The following CCDC77 variants were observed in gnomAD, a reference collection of about 807,000 sequenced individuals.
The protein encoded by CCDC77 is coiled-coil domain-containing protein 77.
A neutral mutation model predicts 66.8 loss-of-function variants in CCDC77; 56 were observed. The observed-to-expected ratio is 0.84, with a 90% CI of 0.68 to 1.05. CCDC77 has a LOEUF of 1.05. Among genes scored for constraint, CCDC77 ranks in the 50% least tolerant of loss-of-function variants. The pLI, the probability that CCDC77 is intolerant of heterozygous loss-of-function variation, is 0.00. For synonymous variants in CCDC77, 196 were observed against 195.2 expected, an observed-to-expected ratio of 1.00 and a Z score of -0.03; for missense variants, 570 against 576.8, an observed-to-expected ratio of 0.99 and a Z score of 0.12.
intron 7 of CCDC77, among the ~76,000 whole-genome samples, chr12:431,054 C>G (rs1263785071): frequency 1.0e-5 from 1 of 98,092 alleles, no homozygotes; most frequent in Non-Finnish European, 1.9e-5. Context: ...CGTGACAGAG[C>G]AAGACTATCT....
intron 5 of CCDC77, among the ~76,000 whole-genome samples, chr12:424,274 A>G (rs1266947277): frequency 6.6e-6 from 1 of 151,922 alleles, no homozygotes; most frequent in Non-Finnish European, 1.5e-5. Context: ...TGGCTATAGA[A>G]GTTCATTATA....
At chr12:401,705 T>C (rs983571010) in intron 1 of CCDC77, 21 bp downstream of exon 1, 8 of 152,360 alleles carry the variant, frequency 5.3e-5, no homozygotes, top group African/African-American at 1.9e-4. Context: ...AGTTTCGGGT[T>C]TGGGGTGAAG....
intron 6 of CCDC77, among the ~76,000 whole-genome samples, chr12:430,114 C>T (rs1225179109): frequency 6.6e-6 from 1 of 152,148 alleles, no homozygotes; most frequent in South Asian, 2.1e-4. Context: ...CTGCCTCAGC[C>T]TCCTGAGTAG....
intron 3 of CCDC77, 45 bp downstream of exon 3, chr12:409,466 G>C (rs1451966147): frequency 6.5e-7 from 1 of 1,536,142 alleles, no homozygotes; most frequent in African/African-American, 1.4e-5. Flanking sequence ...ATCGAGACTT[G>C]TATAGCCTTA....
At chr12:418,014 T>C (rs757980048) in intron 4 of CCDC77, among the ~76,000 whole-genome samples, 2 of 152,198 alleles carry the variant, frequency 1.3e-5, no homozygotes, top group African/African-American at 2.4e-5. Flanking sequence ...ACACTCATCC[T>C]GTAGCTGTTA....
chr12:438,793 G>A (rs967920278), intron 10 of CCDC77, among the ~76,000 whole-genome samples: 1 of 152,054 alleles, frequency 6.6e-6, no homozygotes, highest in African/African-American at 2.4e-5. Flanking sequence ...TCCTGGCCGG[G>A]CACAGTGGTT....
chr12:422,454 G>A lies in CCDC77; in HGVS notation c.413+3818G>A, dbSNP rs977541689. Reference sequence around the variant, plus strand: ...CACATCCCCGTTACCCCAGTTCCTGGAACACACTATGCTACTTTTCGTCTC... The same window carrying A: ...CACATCCCCGTTACCCCAGTTCCTGAAACACACTATGCTACTTTTCGTCTC... On this transcript the variant is annotated intron_variant, in intron 5 of 12. Coordinates refer to ENST00000239830, the MANE Select transcript of CCDC77 (RefSeq NM_032358.4). Among the ~76,000 whole-genome samples the A allele has an allele frequency of 2.0e-5, 3 of 152,166 alleles. No individual in the cohort carries two copies. In the South Asian group the frequency reaches 6.2e-4, roughly 31 times the overall value.
intron 4 of CCDC77, among the ~76,000 whole-genome samples, chr12:415,027 A>G (rs746892583): frequency 1.3e-5 from 2 of 152,162 alleles, no homozygotes; most frequent in South Asian, 2.1e-4. Flanking sequence ...TATGTATACA[A>G]TGAATTACAG....
intron 6 of CCDC77, among the ~76,000 whole-genome samples, chr12:429,674 G>C (rs879496015): frequency 6.6e-6 from 1 of 151,998 alleles, no homozygotes; most frequent in Non-Finnish European, 1.5e-5. Context: ...GCCCAGGCTG[G>C]TCTCGAACTC....
intron 4 of CCDC77, 132 bp downstream of exon 4, chr12:412,110 A>G (rs1240912710): frequency 1.4e-6 from 1 of 713,970 alleles, no homozygotes; most frequent in East Asian, 2.7e-5. Flanking sequence ...CAGCCCAGCT[A>G]TTGCCCCTTC....
intron 5 of CCDC77, among the ~76,000 whole-genome samples, chr12:426,791 G>A (rs559507735): frequency 2.6e-5 from 4 of 152,256 alleles, no homozygotes; most frequent in Admixed American, 1.3e-4. Context: ...CCTGTATCCA[G>A]CAGTCCTTAA....
chr12:428,576 G>A (rs1945581903), intron 5 of CCDC77, among the ~76,000 whole-genome samples, 193 bp from the exon 6 acceptor site: 2 of 149,874 alleles, frequency 1.3e-5, no homozygotes, highest in Non-Finnish European at 3.0e-5. Flanking sequence ...TTCTCTGAAT[G>A]GAAATACCTG....
rs1484148324 is a variant in CCDC77, at chr12:416,361, GTGTGTGTGTGTGTGTGTATATA to G, written c.271-2131_271-2110del. On this transcript the variant is annotated intron_variant, in intron 4 of 12. Transcript: ENST00000239830. ...TGTGTGGGGGTGTGTGTGTGTGTGT[GTGTGTGTGTGTGTGTGTATATA>G]TATATATATATATATATATATATAT... is the stretch of plus-strand genomic sequence containing the variant. Among the ~76,000 whole-genome samples, 42 of 37,728 alleles carry G rather than the reference GTGTGTGTGTGTGTGTGTATATA, an allele frequency of 1.1e-3. No individual in the cohort carries two copies. In the East Asian group the frequency reaches 0.014, roughly 13 times the overall value. The allele number at this position is 37,728 out of a possible 152,430, so 24.8% of individuals were successfully genotyped here. A position where few individuals can be genotyped will look rare whatever the true frequency, so the allele number is the denominator to read the frequency against.
At position 438,320 on chromosome 12, in the gene CCDC77, T is replaced by A; in HGVS notation, c.822-15T>A. ...GTGCGCATCCTCATGTCTGCATTTA[T>A]ACTTTCTTTCCTAGTCTTCACCACA... On this transcript the variant is annotated splice_polypyrimidine_tract_variant and intron_variant, in intron 9 of 12. Transcript: ENST00000239830. The A allele has an allele frequency of 1.3e-6, 2 of 1,578,950 alleles. No homozygotes were observed. The highest frequency in any genetic ancestry group is 1.7e-6 in the Non-Finnish European group (2 of 1,152,262).
intron 4 of CCDC77, among the ~76,000 whole-genome samples, chr12:414,497 T>C (rs1349048388): frequency 6.6e-6 from 1 of 152,200 alleles, no homozygotes; most frequent in African/African-American, 2.4e-5. Flanking sequence ...TTCAGAGTTC[T>C]TCCAGATTCT....
Position 440,976 on chromosome 12 carries a change from T to C in CCDC77, c.1300T>C (p.Leu434=), listed in dbSNP as rs768756236. 1.9e-6 allele frequency: 3 copies of C among 1,611,966 alleles called. No homozygotes were observed. The highest frequency in any genetic ancestry group is 2.5e-6 in the Non-Finnish European group (3 of 1,180,020). ...IKVLRQKLKD[L]EQMLYKATVN... is the part of the protein sequence containing the mutation. ...AGTTCTCCGACAGAAACTGAAAGACTTGGAGCAAATGTTGTATAAGGTAAT... is the reference window on the plus strand; with the variant it reads ...AGTTCTCCGACAGAAACTGAAAGACCTGGAGCAAATGTTGTATAAGGTAAT... The change falls in exon 12 of 13, where the codon TTG becomes CTG. Residue 434 remains leucine (L), a synonymous_variant. Transcript: ENST00000239830.
chr12:438,353 ACTGCTCTATGAGAGCACCAAAGATTTT>A lies in CCDC77; in HGVS notation c.845_871del (p.Leu282_Leu290del). ...TTCCTAGTCTTCACCACACCCAAGA[ACTGCTCTATGAGAGCACCAAAGATTTT>A]CTGCAACTCAGATCTGAAAACCAAA... On this transcript the variant is annotated inframe_deletion, in exon 10 of 13. Coordinates refer to ENST00000239830, the MANE Select transcript of CCDC77 (RefSeq NM_032358.4). 1 of 1,612,942 alleles carries A rather than the reference ACTGCTCTATGAGAGCACCAAAGATTTT, an allele frequency of 6.2e-7. No individual in the cohort carries two copies. Among genetic ancestry groups the A allele is most frequent in the Non-Finnish European group, 8.5e-7 (1 of 1,179,096 alleles).
At chr12:391,663 C>T (rs562708529) in intron 1 of CCDC77, among the ~76,000 whole-genome samples, 63 of 152,246 alleles carry the variant, frequency 4.1e-4, no homozygotes, top group African/African-American at 1.4e-3. Context: ...AGCACAAATC[C>T]TTAAAAGCTT....
intron 4 of CCDC77, among the ~76,000 whole-genome samples, chr12:414,971 G>A (rs1280675398): frequency 1.3e-5 from 2 of 152,006 alleles, no homozygotes; most frequent in Non-Finnish European, 2.9e-5. Flanking sequence ...AAATTTAATA[G>A]GCTTTTGTTT....
Sources: gnomAD v4.1 joint callset for allele counts (sites outside exome capture counted in the v4.1 genomes callset) on GRCh38, gnomAD v4.1.1 for gene constraint, MANE v1.5 for transcripts, NCBI Gene and HGNC (gene_info 2026-07-23, HGNC 2026-07-21) for gene names.